TNFSF4: variants seen among roughly 807,000 people sequenced by gnomAD.
The protein encoded by TNFSF4 is tumor necrosis factor ligand superfamily member 4.
A neutral mutation model predicts 7.3 loss-of-function variants in TNFSF4; 4 were observed. The observed-to-expected ratio is 0.55, with a 90% CI of 0.27 to 1.25. The LOEUF is 1.25. TNFSF4 is among the 50% of genes most tolerant of loss of function. TNFSF4 has a pLI of 0.12. For missense variants in TNFSF4, 181 were observed against 208.8 expected (o/e 0.87, Z 0.82); for synonymous variants, 76 against 83.7 (o/e 0.91, Z 0.50).
At chr1:173,256,925 A>T in the TNFSF4 span, among the ~76,000 whole-genome samples, 6 of 152,358 alleles carry the variant, frequency 3.9e-5, no homozygotes, top group East Asian at 1.2e-3. Flanking sequence ...TTAAATATAA[A>T]TGGATTCTAA....
the TNFSF4 span, among the ~76,000 whole-genome samples, chr1:173,258,196 A>G: frequency 6.6e-6 from 1 of 152,226 alleles, no homozygotes; most frequent in African/African-American, 2.4e-5. Context: ...AGGGGCTAAG[A>G]TAGCTGATTA....
chr1:173,241,300 C>T, the TNFSF4 span, among the ~76,000 whole-genome samples: 4 of 152,222 alleles, frequency 2.6e-5, no homozygotes, highest in African/African-American at 9.7e-5. Context: ...TCCTCTGCCA[C>T]ATTTCAATAA....
the TNFSF4 span, among the ~76,000 whole-genome samples, chr1:173,177,034 T>C: frequency 4.6e-5 from 7 of 151,992 alleles, no homozygotes; most frequent in South Asian, 1.5e-3. Flanking sequence ...TGCTTATTAC[T>C]TGGGTGATGA....
chr1:173,261,397 C>CTA, the TNFSF4 span, among the ~76,000 whole-genome samples: 1 of 152,020 alleles, frequency 6.6e-6, no homozygotes, highest in Admixed American at 6.6e-5. Flanking sequence ...GATTGACTTC[C>CTA]TAACATCACT....
the TNFSF4 span, among the ~76,000 whole-genome samples, chr1:173,310,487 T>C: frequency 2.0e-5 from 3 of 151,888 alleles, no homozygotes; most frequent in Admixed American, 2.0e-4. Flanking sequence ...ATTTTTTGCT[T>C]TAATTGCACT....
chr1:173,309,994 T>A, the TNFSF4 span, among the ~76,000 whole-genome samples: 1 of 151,908 alleles, frequency 6.6e-6, no homozygotes, highest in Non-Finnish European at 1.5e-5. Context: ...CATATGAGAT[T>A]TTAATGACTG....
At chr1:173,205,239 A>G (rs1156676684) in intron 1 of TNFSF4, 47 of 1,568,636 alleles carry the variant, frequency 3.0e-5, no homozygotes, top group Non-Finnish European at 3.6e-5. Flanking sequence ...CAACTCAAAT[A>G]TACCACCTAT....
the TNFSF4 span, among the ~76,000 whole-genome samples, chr1:173,444,269 AAC>A: frequency 6.6e-6 from 1 of 152,090 alleles, no homozygotes; most frequent in Non-Finnish European, 1.5e-5. Context: ...GCAGCCTGCA[AAC>A]ACACACACAA....
chr1:173,225,777 T>C, the TNFSF4 span, among the ~76,000 whole-genome samples: 21 of 152,076 alleles, frequency 1.4e-4, no homozygotes, highest in African/African-American at 4.8e-4. Flanking sequence ...AATTGCTATA[T>C]CTCAGACCAA....
At chr1:173,231,611 C>A in the TNFSF4 span, among the ~76,000 whole-genome samples, 5 of 150,674 alleles carry the variant, frequency 3.3e-5, no homozygotes, top group African/African-American at 1.2e-4. Context: ...TAAGGCAGGA[C>A]AAATAAATAA....
At chr1:173,324,101 G>A in the TNFSF4 span, among the ~76,000 whole-genome samples, 11 of 152,166 alleles carry the variant, frequency 7.2e-5, 1 homozygote, top group Admixed American at 5.2e-4. Flanking sequence ...CATATTAAGA[G>A]CAGCCAGACA....
At chr1:173,300,898 A>G in the TNFSF4 span, among the ~76,000 whole-genome samples, 2 of 151,834 alleles carry the variant, frequency 1.3e-5, no homozygotes, top group African/African-American at 4.8e-5. Context: ...TGCCTTTATC[A>G]GGAAAGTAGG....
At chr1:173,244,281 C>T in the TNFSF4 span, among the ~76,000 whole-genome samples, 1 of 152,134 alleles carries the variant, frequency 6.6e-6, no homozygotes, top group Non-Finnish European at 1.5e-5. Flanking sequence ...GTCAGCTAGA[C>T]AGTGCAACAG....
intron 1 of TNFSF4, among the ~76,000 whole-genome samples, 169 bp downstream of exon 1, chr1:173,206,855 G>T (rs941156417): frequency 6.6e-6 from 1 of 152,162 alleles, no homozygotes; most frequent in African/African-American, 2.4e-5. Flanking sequence ...AAGAAGGAAG[G>T]AAAGGAGAGA....
At chr1:173,344,529 A>G in the TNFSF4 span, among the ~76,000 whole-genome samples, 1 of 152,236 alleles carries the variant, frequency 6.6e-6, no homozygotes, top group Admixed American at 6.5e-5. Flanking sequence ...AGCTTTAGCA[A>G]TATCATTTGG....
At chr1:173,405,931 G>A in the TNFSF4 span, among the ~76,000 whole-genome samples, 1 of 152,230 alleles carries the variant, frequency 6.6e-6, no homozygotes. Flanking sequence ...GAAATATGGA[G>A]TTAGCTCATC....
chr1:173,378,526 T>C, the TNFSF4 span, among the ~76,000 whole-genome samples: 1 of 152,042 alleles, frequency 6.6e-6, no homozygotes, highest in East Asian at 1.9e-4. Flanking sequence ...GAAAAAGAGG[T>C]GGCTCATTTT....
At chr1:173,391,621 G>A in the TNFSF4 span, among the ~76,000 whole-genome samples, 1 of 151,898 alleles carries the variant, frequency 6.6e-6, no homozygotes, top group Non-Finnish European at 1.5e-5. Flanking sequence ...CCCACCCCCT[G>A]AGAAAGTCAG....
chr1:173,357,763 G>A, the TNFSF4 span, among the ~76,000 whole-genome samples: 3 of 152,052 alleles, frequency 2.0e-5, no homozygotes, highest in African/African-American at 7.2e-5. Flanking sequence ...TCAAACTCCC[G>A]ACCTCAGGTG....
Sources: gnomAD v4.1 joint callset for allele counts (sites outside exome capture counted in the v4.1 genomes callset) on GRCh38, gnomAD v4.1.1 for gene constraint, MANE v1.5 for transcripts, NCBI Gene and HGNC (gene_info 2026-07-23, HGNC 2026-07-21) for gene names.